Variants in LRP1B observed in about 807,000 individuals in gnomAD.
LRP1B encodes the protein LDL receptor related protein 1B.
In LRP1B, 217 loss-of-function variants were observed where a neutral mutation model predicts 556.6. The observed-to-expected ratio is 0.39, with a 90% CI of 0.35 to 0.44. LRP1B has a LOEUF of 0.44. Among genes scored for constraint, LRP1B ranks in the 20% least tolerant of loss-of-function variants. The probability of loss-of-function intolerance (pLI) is 1.00; values close to 1 mark genes in which losing one functional copy is unlikely to be tolerated. For synonymous variants in LRP1B, 2,047 were observed against 1,865.8 expected (o/e 1.10, Z -2.50); for missense variants, 5,053 against 5,620.8 (o/e 0.90, Z 3.23).
At chr2:142,030,495 A>G (rs1703654876) in intron 1 of LRP1B, among the ~76,000 whole-genome samples, 1 of 151,950 alleles carries the variant, frequency 6.6e-6, no homozygotes, top group Admixed American at 6.6e-5. Flanking sequence ...TGATACTGAG[A>G]AAATGATGAA....
intron 1 of LRP1B, among the ~76,000 whole-genome samples, chr2:142,011,165 G>T (rs75686017): frequency 6.6e-6 from 1 of 152,266 alleles, no homozygotes; most frequent in Non-Finnish European, 1.5e-5. Flanking sequence ...TTTGGGGAAA[G>T]ACTAAAAATA....
intron 2 of LRP1B, among the ~76,000 whole-genome samples, chr2:141,578,729 C>A (rs1344293870): frequency 6.6e-6 from 1 of 152,120 alleles, no homozygotes; most frequent in East Asian, 1.9e-4. Flanking sequence ...ACAGCAAGAA[C>A]CAAGTGTACG....
chr2:141,045,340 C>A (rs994431140), intron 11 of LRP1B, among the ~76,000 whole-genome samples: 1 of 150,806 alleles, frequency 6.6e-6, no homozygotes, highest in Non-Finnish European at 1.5e-5. Context: ...ATAGTGGGTG[C>A]AGCGCACCAG....
intron 2 of LRP1B, among the ~76,000 whole-genome samples, chr2:141,552,927 C>T (rs72976076): frequency 0.032 from 4,844 of 151,768 alleles, 273 homozygotes; most frequent in African/African-American, 0.11. Flanking sequence ...TCAAAAACTA[C>T]GTTATATGAG....
chr2:141,011,687 A>G (rs1483648733), intron 14 of LRP1B, among the ~76,000 whole-genome samples: 1 of 152,050 alleles, frequency 6.6e-6, no homozygotes. Context: ...AAAGTTGAAA[A>G]AGAATTTAGT....
chr2:141,928,871 G>A (rs1469099585), intron 1 of LRP1B, among the ~76,000 whole-genome samples: 2 of 152,102 alleles, frequency 1.3e-5, no homozygotes, highest in Admixed American at 6.6e-5. Context: ...AAGTCAGGGT[G>A]ACTGTGGCTC....
chr2:141,242,899 T>C (rs532282773), intron 5 of LRP1B, among the ~76,000 whole-genome samples: 11 of 152,126 alleles, frequency 7.2e-5, no homozygotes, highest in Non-Finnish European at 1.5e-4. Context: ...CATTGACTAT[T>C]ATTTTTACTG....
intron 1 of LRP1B, among the ~76,000 whole-genome samples, chr2:142,009,548 TG>T (rs1230778732): frequency 1.3e-5 from 2 of 152,066 alleles, no homozygotes; most frequent in African/African-American, 4.8e-5. Flanking sequence ...CACTCAATTC[TG>T]TTGTTTCTGC....
intron 37 of LRP1B, among the ~76,000 whole-genome samples, chr2:140,712,933 CTGTTGT>C (rs145358333): frequency 6.6e-6 from 1 of 151,780 alleles, no homozygotes; most frequent in African/African-American, 2.4e-5. Flanking sequence ...GTTTTTGTTG[CTGTTGT>C]TGTTGTTGTT....
chr2:141,074,557 T>TTCTGTCTC lies in LRP1B; in HGVS notation c.1014-12292_1014-12285dup, dbSNP rs1227265572. Among the ~76,000 whole-genome samples the TTCTGTCTC allele has an allele frequency of 5.0e-5, 5 of 99,250 alleles. No homozygotes were observed. The East Asian group carries it at 9.3e-4, about 18-fold the overall frequency. 65.1% of individuals were successfully genotyped at this position (99,250 alleles called of 152,430 possible). On this transcript the variant is annotated intron_variant, in intron 7 of 90. Transcript: ENST00000389484. Reference sequence around the variant, plus strand: ...TCTGCACATACTAAGTTCTTTCTCTTTCTGTCTCTCTGTCTCTCTCTCTCT... The same window carrying TTCTGTCTC: ...TCTGCACATACTAAGTTCTTTCTCTTTCTGTCTCTCTGTCTCTCTGTCTCTCTCTCTCT...
At chr2:141,892,066 T>A (rs754137092) in intron 1 of LRP1B, among the ~76,000 whole-genome samples, 2 of 152,012 alleles carry the variant, frequency 1.3e-5, no homozygotes, top group Non-Finnish European at 2.9e-5. Flanking sequence ...AGCATAACTA[T>A]CTAAGAAAGA....
chr2:141,678,224 CAA>C (rs1321214338), intron 2 of LRP1B, among the ~76,000 whole-genome samples: 3 of 151,830 alleles, frequency 2.0e-5, no homozygotes, highest in Non-Finnish European at 4.4e-5. Context: ...TGAAAACAAA[CAA>C]AATCAGTAGG....
chr2:141,744,615 T>C (rs1200493247), intron 2 of LRP1B, among the ~76,000 whole-genome samples: 1 of 152,210 alleles, frequency 6.6e-6, no homozygotes, highest in Non-Finnish European at 1.5e-5. Context: ...TCTCTCTCTC[T>C]AGCTCTAATA....
intron 49 of LRP1B, among the ~76,000 whole-genome samples, chr2:140,524,020 T>C (rs997347005): frequency 5.9e-5 from 9 of 151,648 alleles, no homozygotes; most frequent in African/African-American, 7.3e-5. Flanking sequence ...ACAAAAAAAC[T>C]ATCAACAGAG....
chr2:141,454,849 A>G (rs1409652686), intron 3 of LRP1B, among the ~76,000 whole-genome samples: 2 of 152,220 alleles, frequency 1.3e-5, no homozygotes, highest in African/African-American at 4.8e-5. Context: ...TTCACTTGAT[A>G]GGAGGTCTTT....
chr2:140,503,184 C>G lies in LRP1B; in HGVS notation c.8522-81G>C, dbSNP rs1349516024. 4.1e-6 allele frequency: 5 copies of G among 1,230,672 alleles called. No homozygotes were observed. In the East Asian group the frequency reaches 1.2e-4, roughly 29 times the overall value. 76.2% of individuals were successfully genotyped at this position (1,230,672 alleles called of 1,614,324 possible). A position where few individuals can be genotyped will look rare whatever the true frequency, so the allele number is the denominator to read the frequency against. On this transcript the variant is annotated intron_variant, in intron 53 of 90. Transcript: ENST00000389484. ...GTCATCTCCTCAATGTACACTACAC[C>G]GGATTAATGTGGATTACTCATGTCT...
chr2:142,030,203 A>T (rs1368143501), intron 1 of LRP1B, among the ~76,000 whole-genome samples: 1 of 151,942 alleles, frequency 6.6e-6, no homozygotes, highest in Admixed American at 6.6e-5. Context: ...TCCTTAAGGT[A>T]TTTCACATAA....
In LRP1B at chr2:141,468,353, G is replaced by A. The variant is rs79154871; in HGVS notation, c.343+12043C>T. On this transcript the variant is annotated intron_variant, in intron 3 of 90. Transcript: ENST00000389484. ...AATGGGAACAAATGAAACAAACCCAGTTGAAGAGTATAAAAGGATAAGTTA... is the reference window on the plus strand; with the variant it reads ...AATGGGAACAAATGAAACAAACCCAATTGAAGAGTATAAAAGGATAAGTTA... Among the ~76,000 whole-genome samples the A allele has an allele frequency of 4.2e-3, 642 of 152,228 alleles. 11 individuals carry two copies. The highest frequency in any genetic ancestry group is 0.014 in the African/African-American group (572 of 41,556).
At chr2:141,806,509 T>G (rs1696172962) in intron 2 of LRP1B, among the ~76,000 whole-genome samples, 1 of 152,074 alleles carries the variant, frequency 6.6e-6, no homozygotes, top group Non-Finnish European at 1.5e-5. Flanking sequence ...ATTATTAAAA[T>G]TTTCCAATTG....
Sources: gnomAD v4.1 joint callset for allele counts (sites outside exome capture counted in the v4.1 genomes callset) on GRCh38, gnomAD v4.1.1 for gene constraint, MANE v1.5 for transcripts, NCBI Gene and HGNC (gene_info 2026-07-23, HGNC 2026-07-21) for gene names.